NCBP3: variants seen among roughly 807,000 people sequenced by gnomAD.
The protein encoded by NCBP3 is nuclear cap-binding protein subunit 3.
A neutral mutation model predicts 75.7 loss-of-function variants in NCBP3; 20 were observed. The observed-to-expected ratio is 0.26, with a 90% confidence interval of 0.19 to 0.38. The LOEUF is 0.38. NCBP3 is among the 10% of genes least tolerant of loss of function. NCBP3 has a pLI of 1.00. For missense variants in NCBP3, 678 were observed against 796.9 expected (o/e 0.85, Z 1.80); for synonymous variants, 293 against 290.5 (o/e 1.01, Z -0.09).
chr17:3,828,127 C>A (rs987585577), intron 4 of NCBP3, among the ~76,000 whole-genome samples: 1 of 152,216 alleles, frequency 6.6e-6, no homozygotes, highest in African/African-American at 2.4e-5. Flanking sequence ...CCACGTTGGC[C>A]AGGCTGGTCT....
At position 3,818,687 on chromosome 17, in the gene NCBP3, T is replaced by C. The variant is rs977866275; in HGVS notation, c.1001-115A>G. 66 of 1,156,836 alleles carry C rather than the reference T, an allele frequency of 5.7e-5. No individual in the cohort carries two copies. The African/African-American group carries it at 7.6e-4, about 13-fold the overall frequency. 71.7% of individuals were successfully genotyped at this position (1,156,836 alleles called of 1,614,324 possible). A position where few individuals can be genotyped will look rare whatever the true frequency, so the allele number is the denominator to read the frequency against. On this transcript the variant is annotated intron_variant, in intron 9 of 12. Coordinates refer to ENST00000389005, the MANE Select transcript of NCBP3 (RefSeq NM_001114118.3). The surrounding 1 kb of genome is among the most constrained non-coding windows in gnomAD (Gnocchi z 4.7). ...TGGGGTTCCCATCCCTGACATTTTA[T>C]TGGAGCACTATCTATAATAGTGCCA... is the stretch of plus-strand genomic sequence containing the variant.
At chr17:3,836,990 T>C (rs1157726232) in intron 3 of NCBP3, among the ~76,000 whole-genome samples, 1 of 144,702 alleles carries the variant, frequency 6.9e-6, no homozygotes, top group Admixed American at 7.0e-5. Context: ...CTCTATTAAA[T>C]ACAAAAAATT....
chr17:3,832,425 T>C lies in NCBP3; in HGVS notation c.356-3057A>G, dbSNP rs1158742552. ...GGGGCGGGCAGATCACAAGGTCAGATCGAGACCATCCTGGCCAACACGGTG... is the reference window on the plus strand; with the variant it reads ...GGGGCGGGCAGATCACAAGGTCAGACCGAGACCATCCTGGCCAACACGGTG... On this transcript the variant is annotated intron_variant, in intron 3 of 12. Transcript: ENST00000389005. Among the ~76,000 whole-genome samples, 4 of 116,704 alleles carry C rather than the reference T, an allele frequency of 3.4e-5. 2 individuals carry two copies. Among genetic ancestry groups the C allele is most frequent in the Non-Finnish European group, 4.1e-5 (2 of 49,110 alleles). 76.6% of individuals were successfully genotyped at this position (116,704 alleles called of 152,430 possible).
rs1457876572 is a variant in NCBP3 at position 3,803,907 on chromosome 17, C to CT, written c.*9136dup. 1 of 152,044 alleles carries CT rather than the reference C, an allele frequency of 6.6e-6. No homozygotes were observed. The highest frequency in any genetic ancestry group is 1.5e-5 in the Non-Finnish European group (1 of 68,058). 9.4% of individuals were successfully genotyped at this position (152,044 alleles called of 1,614,324 possible). A position where few individuals can be genotyped will look rare whatever the true frequency, so the allele number is the denominator to read the frequency against. ...TGGCTAACACGGTGAAACCCGGTCT[C>CT]TACTAAAAATACAAAAAAAATTAGC... On this transcript the variant is annotated 3_prime_UTR_variant, in exon 13 of 13. Transcript: ENST00000389005.
rs1481953368 is a variant in NCBP3, at chr17:3,802,595, T to C, written c.*10449A>G. The C allele has an allele frequency of 6.6e-6, 1 of 152,210 alleles. No homozygotes were observed. The highest frequency in any genetic ancestry group is 1.9e-4 in the East Asian group (1 of 5,192). 9.4% of individuals were successfully genotyped at this position (152,210 alleles called of 1,614,324 possible). ...CTGTTGAACCTCGTCCCAGGCAGGA[T>C]CGGGGCCTGCGGCCTACAGCCTGTC... On this transcript the variant is annotated 3_prime_UTR_variant, in exon 13 of 13. Transcript: ENST00000389005.
intron 9 of NCBP3, among the ~76,000 whole-genome samples, chr17:3,819,777 T>G (rs1215674664): frequency 6.6e-6 from 1 of 152,188 alleles, no homozygotes; most frequent in Admixed American, 6.5e-5. Context: ...GTTATACTAT[T>G]TATTATGAAA....
intron 7 of NCBP3, among the ~76,000 whole-genome samples, chr17:3,823,377 T>C (rs1027735971): frequency 4.6e-5 from 7 of 152,102 alleles, no homozygotes; most frequent in African/African-American, 1.7e-4. Flanking sequence ...AATTAAATAC[T>C]GATATCCATG....
chr17:3,832,500 A>G (rs218712), intron 3 of NCBP3, among the ~76,000 whole-genome samples: 31,101 of 117,558 alleles, frequency 0.26, 9,107 homozygotes, highest in African/African-American at 0.38. Flanking sequence ...GTGTGGTGGC[A>G]GGCACCTGTA....
intron 6 of NCBP3, 40 bp downstream of exon 6, chr17:3,825,727 T>C (rs1169569696): frequency 6.9e-7 from 1 of 1,457,080 alleles, no homozygotes; most frequent in Non-Finnish European, 9.4e-7. Flanking sequence ...TGAGCAATTT[T>C]TTACAATAAC....
chr17:3,813,726 A>G (rs934210561), intron 12 of NCBP3, among the ~76,000 whole-genome samples: 12 of 152,230 alleles, frequency 7.9e-5, no homozygotes, highest in African/African-American at 2.9e-4. Flanking sequence ...CGGCCACATT[A>G]TAAGGCAATT....
At chr17:3,840,258 A>C (rs1307331862) in intron 2 of NCBP3, 53 bp from the exon 3 acceptor site, 2 of 1,410,748 alleles carry the variant, frequency 1.4e-6, no homozygotes, top group African/African-American at 2.8e-5. Context: ...GGCGAGTTAA[A>C]TCACACATGC....
intron 3 of NCBP3, among the ~76,000 whole-genome samples, chr17:3,832,974 G>A (rs544109705): frequency 6.6e-6 from 1 of 152,308 alleles, no homozygotes; most frequent in African/African-American, 2.4e-5. Flanking sequence ...ATCCAGGTGG[G>A]CATGGTGGCT....
At position 3,821,230 on chromosome 17, in the gene NCBP3, G is replaced by C; in HGVS notation, c.1000+19C>G. 1 of 1,564,818 alleles carries C rather than the reference G, an allele frequency of 6.4e-7. No individual in the cohort carries two copies. The highest frequency in any genetic ancestry group is 8.8e-7 in the Non-Finnish European group (1 of 1,135,520). Reference sequence around the variant, plus strand: ...AGGAGCCAAACATGTGTCTACCCAAGAGCTGAGCAGGCAACTACCAGAATG... The same window carrying C: ...AGGAGCCAAACATGTGTCTACCCAACAGCTGAGCAGGCAACTACCAGAATG... On this transcript the variant is annotated intron_variant, in intron 9 of 12. Transcript: ENST00000389005.
Position 3,812,922 on chromosome 17 carries a change from G to T in NCBP3, c.*122C>A. 1 of 1,510,958 alleles carries T rather than the reference G, an allele frequency of 6.6e-7. No individual in the cohort carries two copies. The highest frequency in any genetic ancestry group is 2.3e-5 in the East Asian group (1 of 43,462). The allele number at this position is 1,510,958 out of a possible 1,614,324, so 93.6% of individuals were successfully genotyped here. On this transcript the variant is annotated 3_prime_UTR_variant, in exon 13 of 13. Coordinates refer to ENST00000389005, the MANE Select transcript of NCBP3 (RefSeq NM_001114118.3). ...ATGTCTTGCCGAAGTAGCAAGAGCG[G>T]AGGGTGACTGTGTGAGCAGGAGCGA...
At chr17:3,845,935 C>G in intron 1 of NCBP3, 106 bp downstream of exon 1, 1 of 1,316,460 alleles carries the variant, frequency 7.6e-7, no homozygotes, top group Non-Finnish European at 1.0e-6. Context: ...TCTCCCGCTC[C>G]CTTGACTTCC....
Position 3,829,233 on chromosome 17 carries a change from G to A in NCBP3, c.481+10C>T. The A allele has an allele frequency of 6.4e-7, 1 of 1,550,894 alleles. No individual in the cohort carries two copies. Among genetic ancestry groups the A allele is most frequent in the Non-Finnish European group, 8.7e-7 (1 of 1,146,632 alleles). ...AAAAGCATATTCACAGGAAACTCGG[G>A]TGTACTTACAGGAGGTATCATCCAA... On this transcript the variant is annotated intron_variant, in intron 4 of 12. Coordinates refer to ENST00000389005, the MANE Select transcript of NCBP3 (RefSeq NM_001114118.3).
intron 8 of NCBP3, among the ~76,000 whole-genome samples, chr17:3,821,567 C>A (rs546502493): frequency 1.3e-5 from 2 of 152,220 alleles, no homozygotes; most frequent in East Asian, 3.9e-4. Flanking sequence ...GGATTACAGG[C>A]GCCCACCACC....
intron 3 of NCBP3, among the ~76,000 whole-genome samples, chr17:3,830,645 T>C (rs923353533): frequency 6.6e-6 from 1 of 152,246 alleles, no homozygotes; most frequent in African/African-American, 2.4e-5. Context: ...TGGAGTGCAG[T>C]GGCACGATCT....
Position 3,806,608 on chromosome 17 carries a change from C to T in NCBP3, c.*6436G>A, listed in dbSNP as rs1394947156. On this transcript the variant is annotated 3_prime_UTR_variant, in exon 13 of 13. Coordinates refer to ENST00000389005, the MANE Select transcript of NCBP3 (RefSeq NM_001114118.3). ...CTCTCAAGTTTTATGGATAGTGCAG[C>T]CAAATTCCACTCGGATGCCTCACAA... 6.6e-6 allele frequency: 1 copy of T among 151,674 alleles called. No homozygotes were observed. Among genetic ancestry groups the T allele is most frequent in the East Asian group, 1.9e-4 (1 of 5,188 alleles). 9.4% of individuals were successfully genotyped at this position (151,674 alleles called of 1,614,324 possible).
Sources: gnomAD v4.1 joint callset for allele counts (sites outside exome capture counted in the v4.1 genomes callset) on GRCh38, gnomAD v4.1.1 for gene constraint, Gnocchi (gnomAD v3.1) non-coding constraint, MANE v1.5 for transcripts, NCBI Gene and HGNC (gene_info 2026-07-23, HGNC 2026-07-21) for gene names.